ACKR2: variants seen among roughly 807,000 people sequenced by gnomAD.
ACKR2 encodes atypical chemokine receptor 2.
For missense variants in ACKR2, 457 were observed against 477.3 expected (o/e 0.96, Z 0.40); for synonymous variants, 207 against 192.2 (o/e 1.08, Z -0.64).
intron 2 of ACKR2, among the ~76,000 whole-genome samples, chr3:42,844,906 G>A (rs975855500): frequency 6.6e-6 from 1 of 152,124 alleles, no homozygotes; most frequent in Non-Finnish European, 1.5e-5. Flanking sequence ...CTGTCCACAC[G>A]GGCCTCCACT....
At chr3:42,856,980 T>A (rs1452396951) in intron 2 of ACKR2, among the ~76,000 whole-genome samples, 1 of 147,376 alleles carries the variant, frequency 6.8e-6, no homozygotes. Context: ...CATCAAAAAA[T>A]TATTTTAAAT....
intron 1 of ACKR2, among the ~76,000 whole-genome samples, chr3:42,814,938 C>T (rs1700734449): frequency 6.6e-6 from 1 of 152,080 alleles, no homozygotes; most frequent in Non-Finnish European, 1.5e-5. Flanking sequence ...ATTTCAGAAA[C>T]AGCAAACAGA....
In ACKR2 at chr3:42,854,155, G is replaced by T. The variant is rs369782682; in HGVS notation, c.-37-10311G>T. Among the ~76,000 whole-genome samples, 21 of 152,292 alleles carry T rather than the reference G, an allele frequency of 1.4e-4. No homozygotes were observed. The East Asian group carries it at 3.9e-3, about 28-fold the overall frequency. On this transcript the variant is annotated intron_variant, in intron 2 of 2. Transcript: ENST00000422265. ...CAAGCAGGGTTTGGTCAAGCTCTGT[G>T]GGGGCCTGATCAGGGGAATGCTGGT...
Position 42,864,843 on chromosome 3 carries a change from G to A in ACKR2, c.341G>A (p.Ser114Asn). The change falls in exon 3 of 3, where the codon AGT becomes AAT. Residue 114 changes from serine (S) to asparagine (N), a missense_variant. Transcript: ENST00000422265. ...ISVAWHWVFG[S>N]FLCKMVSTLY... ...GTGGCCTGGCATTGGGTCTTCGGGA[G>A]TTTCTTGTGCAAGATGGTGAGCACT... 1 of 1,614,194 alleles carries A rather than the reference G, an allele frequency of 6.2e-7. No individual in the cohort carries two copies. The highest frequency in any genetic ancestry group is 2.2e-5 in the East Asian group (1 of 44,876).
chr3:42,816,681 C>T (rs1307180208), intron 1 of ACKR2, among the ~76,000 whole-genome samples: 4 of 151,760 alleles, frequency 2.6e-5, no homozygotes, highest in Admixed American at 6.6e-5. Flanking sequence ...CTCAGCCTCC[C>T]GAGTAGCTGG....
In ACKR2 at chr3:42,822,165, T is replaced by TATAAATAAATAAATAA. The variant is rs143225523; in HGVS notation, c.-38+2472_-38+2487dup. ...GTATTTATAGATAGATAGAGACAGA[T>TATAAATAAATAAATAA]ATAAATAAATAAATAAATAAATAAA... On this transcript the variant is annotated intron_variant, in intron 2 of 2. Coordinates refer to ENST00000422265, the MANE Select transcript of ACKR2 (RefSeq NM_001296.5). Among the ~76,000 whole-genome samples, 857 of 148,702 alleles carry TATAAATAAATAAATAA rather than the reference T, an allele frequency of 5.8e-3. 7 individuals carry two copies. Among genetic ancestry groups the TATAAATAAATAAATAA allele is most frequent in the African/African-American group, 0.019 (792 of 40,628 alleles).
At chr3:42,857,415 G>A (rs2088332392) in intron 2 of ACKR2, among the ~76,000 whole-genome samples, 1 of 152,110 alleles carries the variant, frequency 6.6e-6, no homozygotes, top group African/African-American at 2.4e-5. Context: ...GGGAGATGAT[G>A]AACTCAGTTC....
chr3:42,840,259 CAAAAAAA>C (rs34830187), intron 2 of ACKR2, among the ~76,000 whole-genome samples: 74 of 34,680 alleles, frequency 2.1e-3, no homozygotes, highest in African/African-American at 6.4e-3. Context: ...GACTCCGTCT[CAAAAAAA>C]AAAAAAAAAA....
chr3:42,816,141 G>A (rs902875822), intron 1 of ACKR2, among the ~76,000 whole-genome samples: 22 of 151,868 alleles, frequency 1.4e-4, no homozygotes, highest in Non-Finnish European at 2.8e-4. Flanking sequence ...TTTTTTGTGT[G>A]TTCCTGTAGA....
At chr3:42,851,123 A>G in intron 2 of ACKR2, 1 of 153,320 alleles carries the variant, frequency 6.5e-6, no homozygotes, top group Non-Finnish European at 1.4e-5. Flanking sequence ...CCCAGCTACT[A>G]GGGAATCATT....
chr3:42,820,754 C>T (rs1248904840), intron 2 of ACKR2, among the ~76,000 whole-genome samples: 1 of 149,378 alleles, frequency 6.7e-6, no homozygotes, highest in Non-Finnish European at 1.5e-5. Flanking sequence ...AGCTAGTAAC[C>T]TTGGCCTGTT....
chr3:42,865,653 C>G lies in ACKR2; in HGVS notation c.1151C>G (p.Ala384Gly). 2 of 1,601,446 alleles carry G rather than the reference C, an allele frequency of 1.2e-6. No homozygotes were observed. The highest frequency in any genetic ancestry group is 1.7e-6 in the Non-Finnish European group (2 of 1,173,326). The part of the protein sequence containing the change: ...PNKEDVGNKS[A>G] The stretch of plus-strand genomic sequence containing the variant: ...AAGGAGGATGTGGGGAATAAATCAG[C>G]CTGAGTGACCAAATTTTGGTCTGGT... Residue 384 changes from alanine (A) to glycine (G), a missense_variant, in exon 3 of 3, where the codon GCC (alanine) becomes GGC (glycine). Physicochemically the swap from Ala to Gly is moderately conservative, Grantham distance 60. Transcript: ENST00000422265.
chr3:42,854,855 CT>C lies in ACKR2; in HGVS notation c.-37-9593del, dbSNP rs1207262721. ...CCAGCAAAGACTGAATCATACCTTT[CT>C]TTTTTTTTTTTTTTTTTGAGATGGA... On this transcript the variant is annotated intron_variant, in intron 2 of 2. Transcript: ENST00000422265. 4.5e-3 allele frequency among the ~76,000 whole-genome samples: 602 copies of C among 133,828 alleles called. 2 individuals carry two copies. Among genetic ancestry groups the C allele is most frequent in the African/African-American group, 8.7e-3 (315 of 36,414 alleles). The allele number at this position is 133,828 out of a possible 152,430, so 87.8% of individuals were successfully genotyped here.
chr3:42,840,259 C>CAAA lies in ACKR2; in HGVS notation c.-38+20572_-38+20574dup, dbSNP rs34830187. On this transcript the variant is annotated intron_variant, in intron 2 of 2. Transcript: ENST00000422265. Reference sequence around the variant, plus strand: ...TGGGCGACAGAGCGAGACTCCGTCTCAAAAAAAAAAAAAAAAAAAAAAAAA... The same window carrying CAAA: ...TGGGCGACAGAGCGAGACTCCGTCTCAAAAAAAAAAAAAAAAAAAAAAAAAAAA... Among the ~76,000 whole-genome samples the CAAA allele has an allele frequency of 1.0e-3, 36 of 34,652 alleles. 4 individuals are homozygous for CAAA. In the East Asian group the frequency reaches 0.017, roughly 16 times the overall value. The allele number at this position is 34,652 out of a possible 152,430, so 22.7% of individuals were successfully genotyped here.
At chr3:42,850,102 G>C (rs965176752) in intron 2 of ACKR2, among the ~76,000 whole-genome samples, 2 of 152,098 alleles carry the variant, frequency 1.3e-5, no homozygotes, top group African/African-American at 4.8e-5. Context: ...CTGTTCTGTG[G>C]GAGGGACCGA....
rs76291938 is a variant in ACKR2 at position 42,856,098 on chromosome 3, C to T, written c.-37-8368C>T. 2,345 of 413,384 alleles carry T rather than the reference C, an allele frequency of 5.7e-3. 55 individuals are homozygous for T. The highest frequency in any genetic ancestry group is 0.044 in the African/African-American group (2,173 of 49,110). The allele number at this position is 413,384 out of a possible 1,614,324, so 25.6% of individuals were successfully genotyped here. A position where few individuals can be genotyped will look rare whatever the true frequency, so the allele number is the denominator to read the frequency against. On this transcript the variant is annotated intron_variant, in intron 2 of 2. Coordinates refer to ENST00000422265, the MANE Select transcript of ACKR2 (RefSeq NM_001296.5). ...TGTGCTAGGAGTGTCCTTACTGCTGCCCAGAAAAGGGAGGAGTTGAAGGCC... is the reference window on the plus strand; with the variant it reads ...TGTGCTAGGAGTGTCCTTACTGCTGTCCAGAAAAGGGAGGAGTTGAAGGCC...
chr3:42,845,121 AC>A (rs1299730445), intron 2 of ACKR2, among the ~76,000 whole-genome samples: 1 of 152,140 alleles, frequency 6.6e-6, no homozygotes, highest in African/African-American at 2.4e-5. Context: ...TCCCGCAAAC[AC>A]CAGGACCGTG....
chr3:42,857,493 C>T (rs2088332693), intron 2 of ACKR2, among the ~76,000 whole-genome samples: 2 of 152,100 alleles, frequency 1.3e-5, no homozygotes, highest in African/African-American at 4.8e-5. Context: ...TTTTGTAGAA[C>T]TTAAAGTGCT....
At chr3:42,841,548 GA>G (rs1426706156) in intron 2 of ACKR2, 3 of 152,184 alleles carry the variant, frequency 2.0e-5, no homozygotes, top group African/African-American at 4.8e-5. Context: ...GGCTTTGCTG[GA>G]AACCTGCCTG....
Sources: gnomAD v4.1 joint callset for allele counts (sites outside exome capture counted in the v4.1 genomes callset) on GRCh38, gnomAD v4.1.1 for gene constraint, MANE v1.5 for transcripts, NCBI Gene and HGNC (gene_info 2026-07-23, HGNC 2026-07-21) for gene names.